Variants in ULK4 observed in about 807,000 individuals in gnomAD.
ULK4 encodes the protein inactive serine/threonine-protein kinase ULK4.
A neutral mutation model predicts 160.6 loss-of-function variants in ULK4; 133 were observed. The ratio of observed to expected loss-of-function variants is 0.83; its 90% CI spans 0.72 to 0.96. The LOEUF (loss-of-function observed/expected upper bound fraction) is 0.96. Ranked by LOEUF, ULK4 falls within the 40% of genes least tolerant of loss-of-function variation. The pLI, the probability that ULK4 is intolerant of heterozygous loss-of-function variation, is 0.00. For missense variants in ULK4, 1,580 were observed against 1,499.5 expected, an observed-to-expected ratio of 1.05 and a Z score of -0.89; for synonymous variants, 534 against 539.8, an observed-to-expected ratio of 0.99 and a Z score of 0.15.
chr3:41,887,983 T>C (rs978054506), intron 16 of ULK4, among the ~76,000 whole-genome samples: 1 of 151,564 alleles, frequency 6.6e-6, no homozygotes. Flanking sequence ...GCTAATAAAG[T>C]GAGACCCTGT....
At chr3:41,591,576 C>T (rs2031309899) in intron 31 of ULK4, among the ~76,000 whole-genome samples, 1 of 151,802 alleles carries the variant, frequency 6.6e-6, no homozygotes, top group Non-Finnish European at 1.5e-5. Context: ...TCAAAGCTGT[C>T]CTGGGCCGCA....
intron 31 of ULK4, among the ~76,000 whole-genome samples, chr3:41,567,772 A>G (rs2087834970): frequency 6.6e-6 from 1 of 151,718 alleles, no homozygotes; most frequent in Admixed American, 6.6e-5. Flanking sequence ...ATTTAACATA[A>G]ATTTTATTTT....
intron 12 of ULK4, among the ~76,000 whole-genome samples, chr3:41,903,495 G>C (rs575133137): frequency 7.3e-5 from 11 of 151,292 alleles, no homozygotes; most frequent in Non-Finnish European, 1.5e-4. Flanking sequence ...TGAGGCAGGA[G>C]AATCACTTGA....
chr3:41,376,476 C>G (rs1223910446), intron 35 of ULK4, among the ~76,000 whole-genome samples: 1 of 150,064 alleles, frequency 6.7e-6, no homozygotes, highest in African/African-American at 2.5e-5. Flanking sequence ...TAGAAAACCC[C>G]ACTGTCTCAG....
intron 35 of ULK4, among the ~76,000 whole-genome samples, chr3:41,271,825 T>C (rs564647300): frequency 2.2e-3 from 333 of 152,334 alleles, no homozygotes; most frequent in Middle Eastern, 0.014. Flanking sequence ...CTATGAACCC[T>C]CATGATTTAT....
intron 22 of ULK4, among the ~76,000 whole-genome samples, chr3:41,724,053 T>C (rs2037563678): frequency 6.6e-6 from 1 of 152,232 alleles, no homozygotes; most frequent in Non-Finnish European, 1.5e-5. Flanking sequence ...TAGGCTGTCA[T>C]TCCCTCAACT....
chr3:41,344,428 A>G (rs996738908), intron 35 of ULK4, among the ~76,000 whole-genome samples: 2 of 152,176 alleles, frequency 1.3e-5, no homozygotes, highest in African/African-American at 4.8e-5. Context: ...CAAAGATTTC[A>G]TCATGAAAAC....
intron 35 of ULK4, among the ~76,000 whole-genome samples, chr3:41,303,257 T>C (rs2079834791): frequency 6.6e-6 from 1 of 152,238 alleles, no homozygotes; most frequent in African/African-American, 2.4e-5. Flanking sequence ...GAGCCTATAC[T>C]GGGATGTTTT....
chr3:41,293,163 A>C (rs2125704773), intron 35 of ULK4, among the ~76,000 whole-genome samples: 1 of 152,244 alleles, frequency 6.6e-6, no homozygotes, highest in East Asian at 1.9e-4. Flanking sequence ...GTAGAAATGA[A>C]TAAAAATAAG....
chr3:41,857,909 T>G (rs2042398880), intron 17 of ULK4, among the ~76,000 whole-genome samples: 1 of 152,170 alleles, frequency 6.6e-6, no homozygotes. Flanking sequence ...AAAACTACTT[T>G]TTGTTTCATT....
intron 30 of ULK4, among the ~76,000 whole-genome samples, chr3:41,656,269 G>C (rs1327964679): frequency 6.6e-6 from 1 of 151,932 alleles, no homozygotes; most frequent in Non-Finnish European, 1.5e-5. Context: ...ATGGACTAGG[G>C]GGTTCACAGA....
At chr3:41,501,276 T>A (rs1257560818) in intron 32 of ULK4, among the ~76,000 whole-genome samples, 1 of 152,162 alleles carries the variant, frequency 6.6e-6, no homozygotes, top group Non-Finnish European at 1.5e-5. Context: ...GACGGGCGGA[T>A]CACGAGGTCA....
At chr3:41,623,243 A>G (rs1361760774) in intron 30 of ULK4, among the ~76,000 whole-genome samples, 3 of 152,178 alleles carry the variant, frequency 2.0e-5, no homozygotes, top group African/African-American at 7.2e-5. Flanking sequence ...CTGGCCTCCC[A>G]GGAGCTTATT....
intron 35 of ULK4, among the ~76,000 whole-genome samples, chr3:41,338,351 C>G (rs2080610034): frequency 6.6e-6 from 1 of 152,174 alleles, no homozygotes. Context: ...AAGGGAGAAA[C>G]CACTGCAGCA....
At chr3:41,804,328 G>T (rs1181144674) in intron 19 of ULK4, among the ~76,000 whole-genome samples, 1 of 151,872 alleles carries the variant, frequency 6.6e-6, no homozygotes, top group Non-Finnish European at 1.5e-5. Flanking sequence ...CTTTGTGATG[G>T]GGTTGTTTTT....
intron 21 of ULK4, among the ~76,000 whole-genome samples, chr3:41,754,906 G>C (rs2038747179): frequency 6.6e-6 from 1 of 152,092 alleles, no homozygotes; most frequent in Non-Finnish European, 1.5e-5. Flanking sequence ...TGCATATAGA[G>C]AGATCATACC....
At chr3:41,509,611 A>G (rs2085502616) in intron 32 of ULK4, among the ~76,000 whole-genome samples, 1 of 152,232 alleles carries the variant, frequency 6.6e-6, no homozygotes, top group African/African-American at 2.4e-5. Flanking sequence ...AAACTATTAC[A>G]GTAACAACAG....
At chr3:41,482,362 G>A (rs993512042) in intron 32 of ULK4, among the ~76,000 whole-genome samples, 1 of 152,186 alleles carries the variant, frequency 6.6e-6, no homozygotes, top group Non-Finnish European at 1.5e-5. Flanking sequence ...CAGCAGTGAT[G>A]GTGTCTTATT....
At chr3:41,570,400 G>A (rs2087929891) in intron 31 of ULK4, among the ~76,000 whole-genome samples, 1 of 152,190 alleles carries the variant, frequency 6.6e-6, no homozygotes, top group Non-Finnish European at 1.5e-5. Flanking sequence ...ACAGTTGGTT[G>A]GAAGGAAAGG....
Sources: gnomAD v4.1 joint callset for allele counts (sites outside exome capture counted in the v4.1 genomes callset) on GRCh38, gnomAD v4.1.1 for gene constraint, MANE v1.5 for transcripts, NCBI Gene and HGNC (gene_info 2026-07-23, HGNC 2026-07-21) for gene names.